The following MYT1L variants were observed in gnomAD, a reference collection of about 807,000 sequenced individuals.
The protein encoded by MYT1L is myelin transcription factor 1-like protein.
Under a neutral mutation model 126.7 loss-of-function variants are expected in MYT1L, and 12 were observed. The observed-to-expected ratio is 0.09, with a 90% CI of 0.06 to 0.15. The LOEUF (loss-of-function observed/expected upper bound fraction) is 0.15, where lower values mean the gene tolerates loss of function less well. Among genes scored for constraint, MYT1L ranks in the 10% least tolerant of loss-of-function variants. The pLI, the probability that MYT1L is intolerant of heterozygous loss-of-function variation, is 1.00. For missense variants in MYT1L, 979 were observed against 1,585.2 expected (o/e 0.62, Z 6.49); for synonymous variants, 541 against 604.2 (o/e 0.90, Z 1.53).
intron 2 of MYT1L, among the ~76,000 whole-genome samples, chr2:2,185,455 T>TTCC (rs1425477279): frequency 4.9e-4 from 60 of 122,336 alleles, no homozygotes; most frequent in African/African-American, 1.5e-3. Flanking sequence ...CCGGGCCTCC[T>TTCC]CGAGTCCCGC....
At chr2:2,307,410 T>C (rs1573416060) in intron 1 of MYT1L, among the ~76,000 whole-genome samples, 1 of 152,050 alleles carries the variant, frequency 6.6e-6, no homozygotes, top group Non-Finnish European at 1.5e-5. Context: ...TACTCTAAAG[T>C]AATGATGGAA....
chr2:2,033,044 G>A (rs2066542026), intron 4 of MYT1L, among the ~76,000 whole-genome samples: 3 of 138,560 alleles, frequency 2.2e-5, no homozygotes, highest in Admixed American at 2.1e-4. Flanking sequence ...TCTAGAAGGA[G>A]GGCCTTACAC....
At chr2:2,245,242 C>G (rs1462175721) in intron 2 of MYT1L, among the ~76,000 whole-genome samples, 1 of 152,048 alleles carries the variant, frequency 6.6e-6, no homozygotes, top group African/African-American at 2.4e-5. Context: ...GGATGATTAA[C>G]GACCTTCGGC....
intron 2 of MYT1L, among the ~76,000 whole-genome samples, chr2:2,252,923 T>C (rs1010135749): frequency 6.6e-6 from 1 of 152,174 alleles, no homozygotes; most frequent in Non-Finnish European, 1.5e-5. Context: ...TTTTAGGGCA[T>C]GTATCCTGAA....
chr2:1,847,914 G>A (rs1459559663), intron 19 of MYT1L, among the ~76,000 whole-genome samples: 3 of 152,226 alleles, frequency 2.0e-5, no homozygotes, highest in East Asian at 1.9e-4. Context: ...TAAGAGGCAG[G>A]TACAACCCCA....
intron 9 of MYT1L, among the ~76,000 whole-genome samples, chr2:1,935,071 A>C (rs1229430743): frequency 2.0e-5 from 3 of 152,222 alleles, no homozygotes; most frequent in Non-Finnish European, 4.4e-5. Flanking sequence ...CAGAGACAAC[A>C]TGACCACTTT....
rs1274286186 is a variant in MYT1L, at chr2:1,892,327, C to T, written c.2033-40G>A. The stretch of plus-strand genomic sequence containing the variant: ...ACAGGGATGACTCAGGCCCCGGCCG[C>T]AGGGCACACGGCAGACAGCACACGG... On this transcript the variant is annotated intron_variant, in intron 14 of 24. Transcript: ENST00000647738. The T allele has an allele frequency of 3.3e-6, 5 of 1,536,256 alleles. No individual in the cohort carries two copies. The Admixed American group carries it at 7.9e-5, about 24-fold the overall frequency.
chr2:2,183,712 A>G (rs1212647553), intron 2 of MYT1L, among the ~76,000 whole-genome samples: 1 of 151,848 alleles, frequency 6.6e-6, no homozygotes, highest in Non-Finnish European at 1.5e-5. Context: ...TATACTAGAA[A>G]AAATACTTTG....
chr2:2,217,193 C>A (rs2093700747), intron 2 of MYT1L, among the ~76,000 whole-genome samples: 1 of 151,934 alleles, frequency 6.6e-6, no homozygotes, highest in Non-Finnish European at 1.5e-5. Flanking sequence ...ATAACTAAAT[C>A]AAAGATACCA....
chr2:2,002,853 G>A (rs2062537240), intron 4 of MYT1L, among the ~76,000 whole-genome samples: 1 of 152,162 alleles, frequency 6.6e-6, no homozygotes, highest in African/African-American at 2.4e-5. Context: ...TTTTATGAGT[G>A]TCTGGCATTT....
Position 2,032,504 on chromosome 2 carries a change from C to T in MYT1L, c.-158+21474G>A, listed in dbSNP as rs540678253. Among the ~76,000 whole-genome samples, 5 of 143,912 alleles carry T rather than the reference C, an allele frequency of 3.5e-5. No homozygotes were observed. In the South Asian group the frequency reaches 1.2e-3, roughly 34 times the overall value. 94.4% of individuals were successfully genotyped at this position (143,912 alleles called of 152,430 possible). A position where few individuals can be genotyped will look rare whatever the true frequency, so the allele number is the denominator to read the frequency against. On this transcript the variant is annotated intron_variant, in intron 4 of 24. Coordinates refer to ENST00000647738, the MANE Select transcript of MYT1L (RefSeq NM_001303052.2). The stretch of plus-strand genomic sequence containing the variant: ...ACACCCCTCCCCAGTGCCTCTCATC[C>T]TGTGGCCCAGAGAAGATTCTAGAAG...
chr2:2,088,647 C>T (rs77332022), intron 3 of MYT1L, among the ~76,000 whole-genome samples: 4,169 of 152,162 alleles, frequency 0.027, 85 homozygotes, highest in South Asian at 0.089. Flanking sequence ...AAAAAGATAG[C>T]TAGTTCTAAG....
At chr2:2,293,131 G>C (rs1198484023) in intron 1 of MYT1L, among the ~76,000 whole-genome samples, 1 of 152,204 alleles carries the variant, frequency 6.6e-6, no homozygotes, top group African/African-American at 2.4e-5. Flanking sequence ...TTAGCAGCTC[G>C]GGGAAGTAAA....
intron 2 of MYT1L, among the ~76,000 whole-genome samples, chr2:2,221,463 C>T (rs2093870286): frequency 6.6e-6 from 1 of 151,952 alleles, no homozygotes. Context: ...TGGGATATCT[C>T]AAAGCAATCC....
chr2:1,860,634 G>C (rs144256785), intron 18 of MYT1L, among the ~76,000 whole-genome samples: 4 of 152,120 alleles, frequency 2.6e-5, no homozygotes, highest in Non-Finnish European at 5.9e-5. Context: ...AATTCCTTTC[G>C]GGCGGTGGGA....
intron 3 of MYT1L, among the ~76,000 whole-genome samples, chr2:2,086,567 AGAAT>A (rs1352155812): frequency 6.6e-6 from 1 of 152,180 alleles, no homozygotes; most frequent in African/African-American, 2.4e-5. Flanking sequence ...TTTCACACAT[AGAAT>A]CACTCTGCAA....
chr2:2,184,657 C>T (rs1439503428), intron 2 of MYT1L, among the ~76,000 whole-genome samples: 2 of 152,176 alleles, frequency 1.3e-5, no homozygotes, highest in African/African-American at 4.8e-5. Context: ...CTCTTCCCGC[C>T]TAAGCCTCCC....
intron 2 of MYT1L, among the ~76,000 whole-genome samples, chr2:2,177,918 G>A (rs2091004551): frequency 6.6e-6 from 1 of 152,326 alleles, no homozygotes; most frequent in Admixed American, 6.5e-5. Context: ...GAATACAGAG[G>A]AAGATGCCAG....
At chr2:1,951,642 G>T (rs890831037) in intron 8 of MYT1L, among the ~76,000 whole-genome samples, 1 of 152,308 alleles carries the variant, frequency 6.6e-6, no homozygotes. Flanking sequence ...TTAACCGCGG[G>T]AGATGTATTT....
Sources: gnomAD v4.1 joint callset for allele counts (sites outside exome capture counted in the v4.1 genomes callset) on GRCh38, gnomAD v4.1.1 for gene constraint, MANE v1.5 for transcripts, NCBI Gene and HGNC (gene_info 2026-07-23, HGNC 2026-07-21) for gene names.